MARCHF4: variants seen among roughly 807,000 people sequenced by gnomAD.
MARCHF4 encodes the protein membrane associated ring-CH-type finger 4.
In MARCHF4, 14 loss-of-function variants were observed where a neutral mutation model predicts 43.9. The ratio of observed to expected loss-of-function variants is 0.32; its 90% CI spans 0.21 to 0.50. The LOEUF (loss-of-function observed/expected upper bound fraction) is 0.50. Ranked by LOEUF, MARCHF4 falls within the 20% of genes least tolerant of loss-of-function variation. MARCHF4 has a pLI of 0.98. For synonymous variants in MARCHF4, 226 were observed against 213.3 expected (o/e 1.06, Z -0.52); for missense variants, 468 against 536.7 (o/e 0.87, Z 1.27).
Position 216,371,805 on chromosome 2 carries a change from G to A in MARCHF4, c.-1545C>T, listed in dbSNP as rs1290436194. 1 of 152,348 alleles carries A rather than the reference G, an allele frequency of 6.6e-6. No homozygotes were observed. Among genetic ancestry groups the A allele is most frequent in the Non-Finnish European group, 1.5e-5 (1 of 68,152 alleles). The allele number at this position is 152,348 out of a possible 1,614,324, so 9.4% of individuals were successfully genotyped here. A position where few individuals can be genotyped will look rare whatever the true frequency, so the allele number is the denominator to read the frequency against. On this transcript the variant is annotated 5_prime_UTR_variant, in exon 1 of 4. Transcript: ENST00000273067. ...TTCTGGAGGGTGGGGGCGGAGGAGGGCGGCTGCCGGGTCTGCTCGGCAGCT... is the reference window on the plus strand; with the variant it reads ...TTCTGGAGGGTGGGGGCGGAGGAGGACGGCTGCCGGGTCTGCTCGGCAGCT...
At chr2:216,323,109 G>A (rs1268999233) in intron 1 of MARCHF4, among the ~76,000 whole-genome samples, 1 of 152,126 alleles carries the variant, frequency 6.6e-6, no homozygotes, top group East Asian at 1.9e-4. Context: ...TATTGAATAA[G>A]CAAAGTGTGT....
At chr2:216,345,723 C>A (rs1237466469) in intron 1 of MARCHF4, among the ~76,000 whole-genome samples, 16 of 152,170 alleles carry the variant, frequency 1.1e-4, no homozygotes, top group Non-Finnish European at 2.9e-5. Flanking sequence ...ATTAGAAGTA[C>A]CTGCATGAGC....
intron 1 of MARCHF4, among the ~76,000 whole-genome samples, chr2:216,306,658 T>C (rs1483365839): frequency 6.6e-6 from 1 of 152,164 alleles, no homozygotes; most frequent in Non-Finnish European, 1.5e-5. Flanking sequence ...GCTCAGTATA[T>C]ATGGGCATCA....
chr2:216,322,029 A>C (rs971434752), intron 1 of MARCHF4, among the ~76,000 whole-genome samples: 12 of 152,210 alleles, frequency 7.9e-5, no homozygotes, highest in Non-Finnish European at 1.3e-4. Context: ...GCTGTGACTG[A>C]AATGGCTGTG....
intron 3 of MARCHF4, among the ~76,000 whole-genome samples, chr2:216,275,799 G>A (rs1367124601): frequency 6.6e-6 from 1 of 152,204 alleles, no homozygotes; most frequent in Non-Finnish European, 1.5e-5. Flanking sequence ...CCAATAGGCT[G>A]TGGGCAGAAG....
chr2:216,347,471 G>A (rs1400752110), intron 1 of MARCHF4, among the ~76,000 whole-genome samples: 1 of 152,132 alleles, frequency 6.6e-6, no homozygotes, highest in Admixed American at 6.5e-5. Context: ...GAATCCATCC[G>A]TTTCTCTTTA....
At chr2:216,279,889 G>C (rs192806491) in intron 2 of MARCHF4, among the ~76,000 whole-genome samples, 1 of 152,300 alleles carries the variant, frequency 6.6e-6, no homozygotes, top group African/African-American at 2.4e-5. Flanking sequence ...CCTCCTGCCT[G>C]GAAAGAGGGC....
At chr2:216,282,806 C>T (rs2105940479) in intron 2 of MARCHF4, among the ~76,000 whole-genome samples, 1 of 152,292 alleles carries the variant, frequency 6.6e-6, no homozygotes, top group Non-Finnish European at 1.5e-5. Flanking sequence ...CTGGCCCTGC[C>T]TGCCTTTCCA....
intron 1 of MARCHF4, among the ~76,000 whole-genome samples, chr2:216,344,267 A>AC (rs60642574): frequency 3.3e-5 from 5 of 151,424 alleles, no homozygotes; most frequent in Admixed American, 6.6e-5. Flanking sequence ...AAACAAACAA[A>AC]AAAACATGTG....
intron 1 of MARCHF4, among the ~76,000 whole-genome samples, chr2:216,350,769 G>T (rs988406425): frequency 3.9e-5 from 6 of 152,138 alleles, no homozygotes; most frequent in Non-Finnish European, 8.8e-5. Flanking sequence ...CATCATCATG[G>T]TTTTTTATGA....
intron 1 of MARCHF4, among the ~76,000 whole-genome samples, chr2:216,366,283 T>C (rs142097766): frequency 1.6e-4 from 24 of 152,126 alleles, no homozygotes; most frequent in Non-Finnish European, 2.8e-4. Context: ...CTTCAGAGAG[T>C]TCAGATTACT....
At chr2:216,327,209 A>G (rs887806373) in intron 1 of MARCHF4, among the ~76,000 whole-genome samples, 16 of 152,112 alleles carry the variant, frequency 1.1e-4, no homozygotes, top group African/African-American at 3.9e-4. Flanking sequence ...TTAACTGGAC[A>G]GTTCAATACA....
rs187589038 is a variant in MARCHF4 at position 216,360,681 on chromosome 2, T to C, written c.516+9064A>G. 3.3e-5 allele frequency among the ~76,000 whole-genome samples: 5 copies of C among 152,310 alleles called. No homozygotes were observed. In the East Asian group the frequency reaches 7.7e-4, roughly 23 times the overall value. Reference sequence around the variant, plus strand: ...TTCTGTATGATACCATAATGGTAGATACATGTCACTATATATTGGTCAAAA... The same window carrying C: ...TTCTGTATGATACCATAATGGTAGACACATGTCACTATATATTGGTCAAAA... On this transcript the variant is annotated intron_variant, in intron 1 of 3. Coordinates refer to ENST00000273067, the MANE Select transcript of MARCHF4 (RefSeq NM_020814.3).
At position 216,300,654 on chromosome 2, in the gene MARCHF4, C is replaced by T. The variant is rs536544649; in HGVS notation, c.517-16925G>A. Among the ~76,000 whole-genome samples, 32 of 152,156 alleles carry T rather than the reference C, an allele frequency of 2.1e-4. 1 individual carries two copies. In the South Asian group the frequency reaches 6.4e-3, roughly 31 times the overall value. On this transcript the variant is annotated intron_variant, in intron 1 of 3. Transcript: ENST00000273067. ...AGCCACCATGCCTGGCCCTTAAATGCATCATTCTTATACATTACTTTATAC... is the reference window on the plus strand; with the variant it reads ...AGCCACCATGCCTGGCCCTTAAATGTATCATTCTTATACATTACTTTATAC...
intron 1 of MARCHF4, among the ~76,000 whole-genome samples, chr2:216,298,596 C>G (rs1691434206): frequency 1.3e-5 from 2 of 152,148 alleles, no homozygotes; most frequent in South Asian, 4.1e-4. Flanking sequence ...TGTTTTCCTG[C>G]TACATTTGAG....
intron 1 of MARCHF4, among the ~76,000 whole-genome samples, chr2:216,341,149 A>C (rs1276939602): frequency 6.6e-6 from 1 of 152,088 alleles, no homozygotes; most frequent in Non-Finnish European, 1.5e-5. Flanking sequence ...CATTTCCATT[A>C]GTTTATACCA....
At chr2:216,357,598 G>A (rs985736230) in intron 1 of MARCHF4, among the ~76,000 whole-genome samples, 4 of 152,238 alleles carry the variant, frequency 2.6e-5, no homozygotes, top group African/African-American at 9.6e-5. Context: ...TGGGATTAAA[G>A]GCATGAGCCA....
Position 216,259,477 on chromosome 2 carries a change from G to A in MARCHF4, c.1068C>T (p.Ala356=), listed in dbSNP as rs746759816. 6.2e-7 allele frequency: 1 copy of A among 1,614,174 alleles called. No individual in the cohort carries two copies. The highest frequency in any genetic ancestry group is 2.2e-5 in the East Asian group (1 of 44,866). The change falls in exon 4 of 4, where the codon GCC becomes GCT. Residue 356 remains alanine, a synonymous_variant. Transcript: ENST00000273067. ...SSEEETAGTP[A]PEQGPAQAAG... is the part of the protein sequence containing the mutation. Reference sequence around the variant, plus strand: ...CAGCCTGGGCAGGGCCCTGCTCAGGGGCAGGGGTGCCTGCGGTCTCCTCTT... The same window carrying A: ...CAGCCTGGGCAGGGCCCTGCTCAGGAGCAGGGGTGCCTGCGGTCTCCTCTT...
At chr2:216,329,280 C>T (rs910063766) in intron 1 of MARCHF4, among the ~76,000 whole-genome samples, 6 of 152,008 alleles carry the variant, frequency 3.9e-5, no homozygotes, top group Admixed American at 1.3e-4. Flanking sequence ...ACTCGGGAGG[C>T]GGAGGCAGGA....
Sources: gnomAD v4.1 joint callset for allele counts (sites outside exome capture counted in the v4.1 genomes callset) on GRCh38, gnomAD v4.1.1 for gene constraint, MANE v1.5 for transcripts, NCBI Gene and HGNC (gene_info 2026-07-23, HGNC 2026-07-21) for gene names.